Variants in PPFIA2 observed in about 807,000 individuals in gnomAD.
PPFIA2 encodes liprin-alpha-2.
A neutral mutation model predicts 175.5 loss-of-function variants in PPFIA2; 46 were observed. That is an observed-to-expected ratio of 0.26 (90% CI 0.21 to 0.34). The LOEUF (loss-of-function observed/expected upper bound fraction) is 0.34, where lower values mean the gene tolerates loss of function less well. Among genes scored for constraint, PPFIA2 ranks in the 10% least tolerant of loss-of-function variants. The pLI, the probability that PPFIA2 is intolerant of heterozygous loss-of-function variation, is 1.00. For synonymous variants in PPFIA2, 568 were observed against 511.4 expected, an observed-to-expected ratio of 1.11 and a Z score of -1.49; for missense variants, 1,179 against 1,506.1, an observed-to-expected ratio of 0.78 and a Z score of 3.60.
At chr12:81,437,772 T>A (rs2049347216) in intron 7 of PPFIA2, among the ~76,000 whole-genome samples, 1 of 151,988 alleles carries the variant, frequency 6.6e-6, no homozygotes, top group Non-Finnish European at 1.5e-5. Context: ...TGAATACACA[T>A]TTTACGTTTT....
rs1567687280 is a variant in PPFIA2 at position 81,642,702 on chromosome 12, A to ATGTATATATTATATACATACAG, written c.303+34088_303+34089insCTGTATGTATATAATATATACA. Reference sequence around the variant, plus strand: ...ATGTATCTATTATATACATACATGTATATGTATGTATGTATTATATACATA... The same window carrying ATGTATATATTATATACATACAG: ...ATGTATCTATTATATACATACATGTATGTATATATTATATACATACAGTATGTATGTATGTATTATATACATA... On this transcript the variant is annotated intron_variant, in intron 4 of 32. Transcript: ENST00000549396. Among the ~76,000 whole-genome samples, 19 of 7,396 alleles carry ATGTATATATTATATACATACAG rather than the reference A, an allele frequency of 2.6e-3. 4 individuals carry two copies. The highest frequency in any genetic ancestry group is 5.6e-3 in the Non-Finnish European group (15 of 2,684). 4.9% of individuals were successfully genotyped at this position (7,396 alleles called of 152,430 possible).
intron 4 of PPFIA2, among the ~76,000 whole-genome samples, chr12:81,642,790 C>T (rs373204040): frequency 0.11 from 1,857 of 16,774 alleles, 655 homozygotes; most frequent in Middle Eastern, 0.25. Flanking sequence ...TATATACATA[C>T]ATGTATATGT....
chr12:81,405,262 G>C (rs2042731623), intron 8 of PPFIA2, among the ~76,000 whole-genome samples: 1 of 152,056 alleles, frequency 6.6e-6, no homozygotes, highest in Admixed American at 6.6e-5. Context: ...ATTAACAAGA[G>C]TACTGCTGAG....
intron 18 of PPFIA2, among the ~76,000 whole-genome samples, chr12:81,345,964 T>A (rs985308203): frequency 1.3e-5 from 2 of 152,182 alleles, no homozygotes; most frequent in Non-Finnish European, 2.9e-5. Flanking sequence ...TTGGCCATTG[T>A]CTATTCTATT....
chr12:81,398,649 T>TA (rs1199303965), intron 8 of PPFIA2, among the ~76,000 whole-genome samples: 1 of 152,070 alleles, frequency 6.6e-6, no homozygotes, highest in Non-Finnish European at 1.5e-5. Context: ...ATCTCATTCT[T>TA]AAAGACCCGT....
intron 4 of PPFIA2, among the ~76,000 whole-genome samples, chr12:81,478,901 G>A (rs891136474): frequency 4.6e-5 from 7 of 152,110 alleles, no homozygotes; most frequent in Non-Finnish European, 1.0e-4. Context: ...CTGTTGATTC[G>A]GAGTGGAGAG....
At chr12:81,638,889 G>GTT (rs2064525149) in intron 4 of PPFIA2, among the ~76,000 whole-genome samples, 1 of 150,814 alleles carries the variant, frequency 6.6e-6, no homozygotes, top group African/African-American at 2.4e-5. Flanking sequence ...GGGTTTCACC[G>GTT]TTTTAGCCGG....
At chr12:81,363,388 T>A (rs1373887696) in intron 14 of PPFIA2, among the ~76,000 whole-genome samples, 1 of 151,638 alleles carries the variant, frequency 6.6e-6, no homozygotes, top group Non-Finnish European at 1.5e-5. Flanking sequence ...AGCTTGATAT[T>A]GTCACCATTA....
At chr12:81,618,214 A>G (rs899506909) in intron 4 of PPFIA2, among the ~76,000 whole-genome samples, 1 of 151,450 alleles carries the variant, frequency 6.6e-6, no homozygotes, top group Non-Finnish European at 1.5e-5. Context: ...TTTCTTAATC[A>G]GCTTTATTTT....
At chr12:81,273,838 A>C (rs2039805762) in intron 28 of PPFIA2, among the ~76,000 whole-genome samples, 1 of 152,130 alleles carries the variant, frequency 6.6e-6, no homozygotes, top group African/African-American at 2.4e-5. Context: ...TGCCCGAAGA[A>C]GGACATTTAT....
chr12:81,420,932 A>G (rs976489964), intron 7 of PPFIA2, among the ~76,000 whole-genome samples: 6 of 152,102 alleles, frequency 3.9e-5, no homozygotes, highest in African/African-American at 9.7e-5. Context: ...AAAGCAACTC[A>G]TTATGTGAAA....
intron 4 of PPFIA2, among the ~76,000 whole-genome samples, chr12:81,616,153 T>A (rs1349200082): frequency 1.3e-5 from 2 of 152,096 alleles, no homozygotes; most frequent in African/African-American, 4.8e-5. Context: ...AGGATTCAAT[T>A]CAAGGCTTCA....
chr12:81,702,111 A>G (rs2076559382), intron 3 of PPFIA2, among the ~76,000 whole-genome samples: 1 of 152,110 alleles, frequency 6.6e-6, no homozygotes, highest in Non-Finnish European at 1.5e-5. Context: ...TAAGAAAAAC[A>G]GGGCAGCCAG....
At chr12:81,731,574 C>T (rs1036132768) in intron 3 of PPFIA2, among the ~76,000 whole-genome samples, 2 of 151,560 alleles carry the variant, frequency 1.3e-5, no homozygotes, top group Non-Finnish European at 3.0e-5. Context: ...CTTTTAAAGA[C>T]ACTTCAGTTA....
chr12:81,706,898 T>C (rs573538917), intron 3 of PPFIA2, among the ~76,000 whole-genome samples: 20 of 152,032 alleles, frequency 1.3e-4, no homozygotes, highest in Middle Eastern at 3.4e-3. Flanking sequence ...TTTGACAAAC[T>C]TGAGAAAAAC....
At chr12:81,395,072 AATT>A (rs2040867727) in intron 8 of PPFIA2, among the ~76,000 whole-genome samples, 1 of 152,052 alleles carries the variant, frequency 6.6e-6, no homozygotes, top group African/African-American at 2.4e-5. Context: ...CAATCTGTGT[AATT>A]ACTTAGAAAA....
chr12:81,720,045 T>TA (rs5799551), intron 3 of PPFIA2, among the ~76,000 whole-genome samples: 117 of 150,666 alleles, frequency 7.8e-4, no homozygotes, highest in African/African-American at 2.0e-3. Context: ...TTAGTAAATT[T>TA]AAAAAAAAAT....
intron 4 of PPFIA2, among the ~76,000 whole-genome samples, chr12:81,601,283 A>G (rs1167479362): frequency 1.3e-5 from 2 of 151,952 alleles, no homozygotes. Context: ...TTATTTTGAT[A>G]ATAATGTTAT....
intron 4 of PPFIA2, among the ~76,000 whole-genome samples, chr12:81,584,316 T>C (rs969850770): frequency 3.3e-5 from 5 of 151,916 alleles, no homozygotes; most frequent in African/African-American, 1.2e-4. Flanking sequence ...TAATGTATAA[T>C]ATTTTATTTA....
Sources: allele counts gnomAD v4.1 joint callset (sites outside exome capture counted in the v4.1 genomes callset), GRCh38; gene constraint gnomAD v4.1.1; transcripts MANE v1.5; gene names NCBI Gene and HGNC (gene_info 2026-07-23, HGNC 2026-07-21).